ZMYM2: variants seen among roughly 807,000 people sequenced by gnomAD.
ZMYM2 encodes zinc finger MYM-type protein 2.
ZMYM2 carries 56 observed loss-of-function variants against 162.8 expected under a neutral mutation model. The ratio of observed to expected loss-of-function variants is 0.34; its 90% CI spans 0.28 to 0.43. ZMYM2 has a LOEUF of 0.43. Among genes scored for constraint, ZMYM2 ranks in the 20% least tolerant of loss-of-function variants. The pLI is 1.00. For synonymous variants in ZMYM2, 510 were observed against 541.6 expected (o/e 0.94, Z 0.81); for missense variants, 1,275 against 1,621.8 (o/e 0.79, Z 3.67).
At chr13:20,048,138 G>T (rs57019449) in intron 12 of ZMYM2, among the ~76,000 whole-genome samples, 1 of 151,770 alleles carries the variant, frequency 6.6e-6, no homozygotes, top group Non-Finnish European at 1.5e-5. Flanking sequence ...TTTAACACAG[G>T]CTTTGATTTG....
the ZMYM2 span, among the ~76,000 whole-genome samples, chr13:19,867,733 C>A: frequency 6.6e-6 from 1 of 152,096 alleles, no homozygotes; most frequent in Admixed American, 6.5e-5. Flanking sequence ...TCGAATGATT[C>A]TCCTGCCTCA....
the ZMYM2 span, among the ~76,000 whole-genome samples, chr13:19,877,711 C>T: frequency 6.6e-6 from 1 of 152,196 alleles, no homozygotes; most frequent in African/African-American, 2.4e-5. Context: ...CATGTGGCAG[C>T]ATATGTCCAA....
intron 7 of ZMYM2, chr13:20,025,761 C>G (rs1952526894): frequency 6.6e-6 from 1 of 152,222 alleles, no homozygotes; most frequent in South Asian, 2.1e-4. Context: ...TGTACTCAAA[C>G]AAACCTAAAT....
At chr13:20,010,707 C>G in intron 6 of ZMYM2, among the ~76,000 whole-genome samples, 1 of 152,126 alleles carries the variant, frequency 6.6e-6, no homozygotes, top group Non-Finnish European at 1.5e-5. Flanking sequence ...GCAGCGAGAT[C>G]TTGGCTCACT....
At chr13:19,903,603 C>A in the ZMYM2 span, among the ~76,000 whole-genome samples, 1 of 151,498 alleles carries the variant, frequency 6.6e-6, no homozygotes. Context: ...TGTGATGGCT[C>A]ATACCTATAA....
chr13:19,866,117 G>A, the ZMYM2 span, among the ~76,000 whole-genome samples: 2 of 151,542 alleles, frequency 1.3e-5, no homozygotes, highest in South Asian at 4.2e-4. Context: ...AGCTATTTGG[G>A]AGGCTGAGGC....
chr13:19,959,815 T>C (rs1954983675), intron 1 of ZMYM2, 143 bp from the exon 2 acceptor site: 3 of 152,524 alleles, frequency 2.0e-5, no homozygotes, highest in South Asian at 4.1e-4. Flanking sequence ...GGGGCTGTTG[T>C]GCGCATGGTG....
the ZMYM2 span, among the ~76,000 whole-genome samples, chr13:19,874,190 G>A: frequency 2.6e-5 from 4 of 152,040 alleles, no homozygotes; most frequent in Non-Finnish European, 5.9e-5. Context: ...CACCTATGAG[G>A]CGGAACCTGG....
At chr13:19,925,122 G>A in the ZMYM2 span, among the ~76,000 whole-genome samples, 1 of 152,136 alleles carries the variant, frequency 6.6e-6, no homozygotes, top group African/African-American at 2.4e-5. Flanking sequence ...AACCTCAGGT[G>A]ATCTGCCTGC....
At chr13:20,013,710 C>T (rs1179782039) in intron 6 of ZMYM2, among the ~76,000 whole-genome samples, 2 of 151,992 alleles carry the variant, frequency 1.3e-5, no homozygotes, top group African/African-American at 4.8e-5. Context: ...TATCTTTGCT[C>T]TTATTTATGT....
chr13:20,060,573 G>A (rs982720906), intron 16 of ZMYM2, among the ~76,000 whole-genome samples: 2 of 152,132 alleles, frequency 1.3e-5, no homozygotes, highest in Non-Finnish European at 2.9e-5. Flanking sequence ...AGCTGCTGGG[G>A]AGGCTGAGGC....
At chr13:19,915,460 A>T in the ZMYM2 span, among the ~76,000 whole-genome samples, 1,254 of 147,456 alleles carry the variant, frequency 8.5e-3, 17 homozygotes, top group African/African-American at 0.025. Context: ...TCTTTCTCTT[A>T]CTTTCATGAT....
chr13:19,878,517 C>CCCTTT, the ZMYM2 span, among the ~76,000 whole-genome samples: 2 of 99,032 alleles, frequency 2.0e-5, no homozygotes, highest in African/African-American at 7.1e-5. Context: ...TTCCTTTGCC[C>CCCTTT]TTTTTTTTTT....
chr13:19,963,065 C>T lies in ZMYM2; in HGVS notation c.-11+3039C>T, dbSNP rs184595740. 1.1e-3 allele frequency among the ~76,000 whole-genome samples: 170 copies of T among 152,198 alleles called. 1 individual carries two copies. The Middle Eastern group carries it at 0.017, about 15-fold the overall frequency. Reference sequence around the variant, plus strand: ...TGTTGGCCAGACTGGTCTCGAACTCCTGAGCTCCGGTGATCTGCCCGCCTC... The same window carrying T: ...TGTTGGCCAGACTGGTCTCGAACTCTTGAGCTCCGGTGATCTGCCCGCCTC... On this transcript the variant is annotated intron_variant, in intron 2 of 24. Transcript: ENST00000610343.
At position 20,087,266 on chromosome 13, in the gene ZMYM2, T is replaced by C. The variant is rs1036450835; in HGVS notation, c.*1252T>C. 10 of 189,126 alleles carry C rather than the reference T, an allele frequency of 5.3e-5. No homozygotes were observed. The highest frequency in any genetic ancestry group is 6.7e-5 in the Non-Finnish European group (6 of 90,010). The allele number at this position is 189,126 out of a possible 1,614,324, so 11.7% of individuals were successfully genotyped here. A position where few individuals can be genotyped will look rare whatever the true frequency, so the allele number is the denominator to read the frequency against. ...TTTGAAATTACTTCTTATAGAAGATTGCATTAAAAAAAAAAACAACTTTGT... is the reference window on the plus strand; with the variant it reads ...TTTGAAATTACTTCTTATAGAAGATCGCATTAAAAAAAAAAACAACTTTGT... On this transcript the variant is annotated 3_prime_UTR_variant, in exon 25 of 25. Transcript: ENST00000610343.
chr13:20,033,984 G>A (rs957472734), intron 10 of ZMYM2, among the ~76,000 whole-genome samples: 1 of 152,000 alleles, frequency 6.6e-6, no homozygotes, highest in African/African-American at 2.4e-5. Context: ...CTCCAATTAT[G>A]TTAGCAACAC....
chr13:19,906,431 A>T, the ZMYM2 span, among the ~76,000 whole-genome samples: 1 of 146,274 alleles, frequency 6.8e-6, no homozygotes, highest in Non-Finnish European at 1.5e-5. Context: ...CTGTCTTTTA[A>T]TTGGAGAATT....
At chr13:19,976,327 A>AC (rs1199228129) in intron 2 of ZMYM2, among the ~76,000 whole-genome samples, 1 of 144,366 alleles carries the variant, frequency 6.9e-6, no homozygotes, top group East Asian at 2.0e-4. Context: ...ACTGCACCTC[A>AC]AAAAAAAAAA....
intron 12 of ZMYM2, among the ~76,000 whole-genome samples, chr13:20,037,970 C>T (rs913950185): frequency 1.3e-5 from 2 of 152,110 alleles, no homozygotes; most frequent in East Asian, 3.9e-4. Context: ...TTCATAGGCC[C>T]CAGTGTCTGT....
Sources: allele counts gnomAD v4.1 joint callset (sites outside exome capture counted in the v4.1 genomes callset), GRCh38; gene constraint gnomAD v4.1.1; transcripts MANE v1.5; gene names NCBI Gene and HGNC (gene_info 2026-07-23, HGNC 2026-07-21).